The following OPRK1 variants were observed in gnomAD, a reference collection of about 807,000 sequenced individuals.
OPRK1 encodes opioid receptor kappa 1.
A neutral mutation model predicts 24.5 loss-of-function variants in OPRK1; 15 were observed. The observed-to-expected ratio is 0.61, with a 90% CI of 0.41 to 0.94. The LOEUF is 0.94. OPRK1 is among the 40% of genes least tolerant of loss of function. The probability of loss-of-function intolerance (pLI) is 0.00; values close to 1 mark genes in which losing one functional copy is unlikely to be tolerated. For missense variants in OPRK1, 479 were observed against 507.3 expected (o/e 0.94, Z 0.54); for synonymous variants, 205 against 198.0 (o/e 1.04, Z -0.30).
Position 53,242,255 on chromosome 8 carries a change from C to T in OPRK1, c.258-7144G>A, listed in dbSNP as rs927544214. 2.6e-5 allele frequency among the ~76,000 whole-genome samples: 4 copies of T among 152,178 alleles called. No homozygotes were observed. The East Asian group carries it at 7.7e-4, about 29-fold the overall frequency. ...GTTCTCCACTGGACAGGAAGCAACC[C>T]AGCCAGGCAGAGGGCGCTGAGAAGA... On this transcript the variant is annotated intron_variant, in intron 2 of 3. Coordinates refer to ENST00000265572, the MANE Select transcript of OPRK1 (RefSeq NM_000912.5).
chr8:53,229,606 C>A lies in OPRK1; in HGVS notation c.834G>T (p.Val278=), dbSNP rs764515961. 3.7e-6 allele frequency: 6 copies of A among 1,614,000 alleles called. No homozygotes were observed. The highest frequency in any genetic ancestry group is 1.1e-5 in the South Asian group (1 of 91,076). ...NLRRITRLVL[V]VVAVFVVCWT... ...AGCAGACGACGAAGACTGCCACCACCACCAGGACCAGTCTGGTGATCCTAC... is the reference window on the plus strand; with the variant it reads ...AGCAGACGACGAAGACTGCCACCACAACCAGGACCAGTCTGGTGATCCTAC... Residue 278 remains valine (V), a synonymous_variant, in exon 4 of 4, where the codon GTG becomes GTT. Coordinates refer to ENST00000265572, the MANE Select transcript of OPRK1 (RefSeq NM_000912.5).
intron 2 of OPRK1, among the ~76,000 whole-genome samples, chr8:53,246,345 G>A (rs1807227676): frequency 6.6e-6 from 1 of 152,146 alleles, no homozygotes; most frequent in Non-Finnish European, 1.5e-5. Context: ...AATGCTCAGG[G>A]CAGAGGACTG....
At chr8:53,246,020 T>C (rs73589382) in intron 2 of OPRK1, among the ~76,000 whole-genome samples, 15,161 of 152,224 alleles carry the variant, frequency 0.1, 832 homozygotes, top group South Asian at 0.18. Context: ...ATGGACATCC[T>C]CTACTGGTCC....
At chr8:53,250,530 G>T (rs996963546) in intron 2 of OPRK1, among the ~76,000 whole-genome samples, 6 of 152,136 alleles carry the variant, frequency 3.9e-5, no homozygotes, top group Non-Finnish European at 8.8e-5. Context: ...GGGTCGGGGG[G>T]TTACTCTGAA....
Position 53,250,972 on chromosome 8 carries a change from C to T in OPRK1, c.66G>A (p.Leu22=). Residue 22 remains leucine (L), a synonymous_variant, in exon 2 of 4, where the codon CTG becomes CTA. Transcript: ENST00000265572. ...GAAACCAGGCGCTGCTGTTGGGGGG[C>T]AGGCAGGCGCTCGGGGCGCAGGTAG... The part of the protein sequence containing the change: ...PGPTCAPSAC[L]PPNSSAWFPG... 6.2e-7 allele frequency: 1 copy of T among 1,603,892 alleles called. No homozygotes were observed. The highest frequency in any genetic ancestry group is 8.5e-7 in the Non-Finnish European group (1 of 1,175,482).
intron 2 of OPRK1, among the ~76,000 whole-genome samples, chr8:53,249,463 A>T (rs60071357): frequency 0.014 from 2,104 of 152,276 alleles, 43 homozygotes; most frequent in African/African-American, 0.048. Context: ...TTTACTCATC[A>T]TGGATAGAAT....
chr8:53,237,264 G>C (rs1190514851), intron 2 of OPRK1, among the ~76,000 whole-genome samples: 1 of 152,132 alleles, frequency 6.6e-6, no homozygotes, highest in Non-Finnish European at 1.5e-5. Context: ...GGAGCCCCAG[G>C]ACCTGACACA....
rs1276921932 is a variant in OPRK1 at position 53,234,925 on chromosome 8, G to A, written c.444C>T (p.Thr148=). The A allele has an allele frequency of 1.2e-6, 2 of 1,614,032 alleles. No individual in the cohort carries two copies. The highest frequency in any genetic ancestry group is 2.2e-5 in the East Asian group (1 of 44,900). Residue 148 remains threonine (T), a synonymous_variant, in exon 3 of 4, where the codon ACC becomes ACT. Coordinates refer to ENST00000265572, the MANE Select transcript of OPRK1 (RefSeq NM_000912.5). Reference sequence around the variant, plus strand: ...AGCGGTCCACGCTCATCATGGTCAAGGTGAAGATGCTGGTGAACATGTTGT... The same window carrying A: ...AGCGGTCCACGCTCATCATGGTCAAAGTGAAGATGCTGGTGAACATGTTGT... The part of the protein sequence containing the change: ...DYYNMFTSIF[T]LTMMSVDRYI...
chr8:53,250,069 C>CCACACA (rs369426050), intron 2 of OPRK1, among the ~76,000 whole-genome samples: 4,802 of 130,472 alleles, frequency 0.037, 161 homozygotes, highest in African/African-American at 0.098. Flanking sequence ...GAAGAAATTT[C>CCACACA]CACACACACA....
intron 3 of OPRK1, 135 bp downstream of exon 3, chr8:53,234,624 T>C (rs1002775681): frequency 1.4e-5 from 10 of 707,180 alleles, no homozygotes; most frequent in South Asian, 9.6e-5. Flanking sequence ...TCATCTTCCA[T>C]GGATTTAGGC....
intron 2 of OPRK1, among the ~76,000 whole-genome samples, chr8:53,244,972 T>C (rs933010259): frequency 6.6e-6 from 1 of 152,214 alleles, no homozygotes; most frequent in African/African-American, 2.4e-5. Flanking sequence ...TTTTTGCATA[T>C]AACTTATGCA....
chr8:53,234,182 C>CAAAAAAAAAAAAAAAAAAAAGA (rs1806927430), intron 3 of OPRK1, among the ~76,000 whole-genome samples: 1 of 65,374 alleles, frequency 1.5e-5, no homozygotes. Flanking sequence ...GACTCTCTCT[C>CAAAAAAAAAAAAAAAAAAAAGA]AAAAAAAAAA....
chr8:53,249,788 C>T (rs980236054), intron 2 of OPRK1, among the ~76,000 whole-genome samples: 4 of 152,104 alleles, frequency 2.6e-5, no homozygotes, highest in Non-Finnish European at 4.4e-5. Context: ...AGCTATTCAT[C>T]GTTTCAGAGT....
intron 3 of OPRK1, 33 bp downstream of exon 3, chr8:53,234,726 T>A (rs750391189): frequency 6.4e-7 from 1 of 1,563,958 alleles, no homozygotes; most frequent in South Asian, 1.1e-5. Flanking sequence ...TGAAGCTACA[T>A]TTTTATGAAC....
rs1369190071 is a variant in OPRK1, at chr8:53,234,677, T to C, written c.610+82A>G. 5 of 1,202,170 alleles carry C rather than the reference T, an allele frequency of 4.2e-6. No individual in the cohort carries two copies. In the African/African-American group the frequency reaches 6.1e-5, roughly 15 times the overall value. The allele number at this position is 1,202,170 out of a possible 1,614,324, so 74.5% of individuals were successfully genotyped here. A position where few individuals can be genotyped will look rare whatever the true frequency, so the allele number is the denominator to read the frequency against. ...TTTTGGCATCGATTTCCACTAAATA[T>C]GTGGCCTACTCACGCTCAAATTAAA... On this transcript the variant is annotated intron_variant, in intron 3 of 3. Transcript: ENST00000265572.
chr8:53,234,649 G>T, intron 3 of OPRK1, 110 bp downstream of exon 3: 1 of 937,126 alleles, frequency 1.1e-6, no homozygotes, highest in Non-Finnish European at 1.6e-6. Flanking sequence ...CATTTCCGTC[G>T]TCTTTTGGCA....
intron 2 of OPRK1, among the ~76,000 whole-genome samples, chr8:53,236,137 CAT>C (rs770932210): frequency 6.6e-6 from 1 of 152,176 alleles, no homozygotes; most frequent in African/African-American, 2.4e-5. Flanking sequence ...TGAATTTCCA[CAT>C]GAGAAACAAC....
chr8:53,230,756 G>A (rs1234180412), intron 3 of OPRK1, among the ~76,000 whole-genome samples: 1 of 151,982 alleles, frequency 6.6e-6, no homozygotes, highest in Non-Finnish European at 1.5e-5. Context: ...TCCAACCCCT[G>A]CCCCTGAGAA....
At chr8:53,249,420 T>C (rs1807314193) in intron 2 of OPRK1, among the ~76,000 whole-genome samples, 1 of 152,204 alleles carries the variant, frequency 6.6e-6, no homozygotes, top group East Asian at 1.9e-4. Flanking sequence ...GGACAAACAA[T>C]TTAATTTTAA....
Sources: gnomAD v4.1 joint callset for allele counts (sites outside exome capture counted in the v4.1 genomes callset) on GRCh38, gnomAD v4.1.1 for gene constraint, MANE v1.5 for transcripts, NCBI Gene and HGNC (gene_info 2026-07-23, HGNC 2026-07-21) for gene names.